Variants in SLC39A8 observed in about 807,000 individuals in gnomAD.
SLC39A8 encodes metal cation symporter ZIP8.
In SLC39A8, 15 loss-of-function variants were observed where a neutral mutation model predicts 40.4. That is an observed-to-expected ratio of 0.37 (90% confidence interval 0.25 to 0.57). The LOEUF is 0.57. Ranked by LOEUF, SLC39A8 falls within the 20% of genes least tolerant of loss-of-function variation. The pLI is 0.75. For synonymous variants in SLC39A8, 223 were observed against 221.6 expected, an observed-to-expected ratio of 1.01 and a Z score of -0.06; for missense variants, 472 against 558.8, an observed-to-expected ratio of 0.84 and a Z score of 1.57.
At chr4:102,333,084 C>G (rs538835495) in intron 2 of SLC39A8, among the ~76,000 whole-genome samples, 1 of 152,028 alleles carries the variant, frequency 6.6e-6, no homozygotes, top group Non-Finnish European at 1.5e-5. Flanking sequence ...CTGATGGGTG[C>G]AGTAAACCAC....
intron 6 of SLC39A8, among the ~76,000 whole-genome samples, chr4:102,278,500 C>G (rs554140546): frequency 6.6e-6 from 1 of 152,158 alleles, no homozygotes; most frequent in East Asian, 1.9e-4. Context: ...CAGATGCTGG[C>G]AAGGCTGTGG....
intron 3 of SLC39A8, among the ~76,000 whole-genome samples, chr4:102,315,231 G>A (rs1388690299): frequency 4.6e-5 from 7 of 151,938 alleles, no homozygotes; most frequent in Admixed American, 1.3e-4. Flanking sequence ...TAATAATTTG[G>A]TCCCTGAAAA....
intron 2 of SLC39A8, among the ~76,000 whole-genome samples, chr4:102,316,118 A>AG (rs890132190): frequency 2.0e-5 from 3 of 152,166 alleles, no homozygotes; most frequent in African/African-American, 7.2e-5. Context: ...TATTTAAAAT[A>AG]GGGGTGCACC....
At chr4:102,263,360 C>T (rs2149001651) in intron 8 of SLC39A8, among the ~76,000 whole-genome samples, 167 bp from the exon 9 acceptor site, 1 of 152,232 alleles carries the variant, frequency 6.6e-6, no homozygotes. Context: ...TTTCCCAGTG[C>T]ATATAATAGA....
chr4:102,319,566 C>T (rs542446054), intron 2 of SLC39A8, among the ~76,000 whole-genome samples: 1 of 152,226 alleles, frequency 6.6e-6, no homozygotes, highest in East Asian at 1.9e-4. Context: ...GTCTGTTTAA[C>T]CAAAATCCCC....
intron 3 of SLC39A8, among the ~76,000 whole-genome samples, chr4:102,315,168 A>G (rs1353647555): frequency 6.6e-6 from 1 of 152,160 alleles, no homozygotes; most frequent in Non-Finnish European, 1.5e-5. Flanking sequence ...AAATACCATT[A>G]TAGTCACTTA....
chr4:102,344,505 T>C lies in SLC39A8; in HGVS notation c.158A>G (p.Glu53Gly). 6.4e-7 allele frequency: 1 copy of C among 1,557,244 alleles called. No individual in the cohort carries two copies. Among genetic ancestry groups the C allele is most frequent in the Non-Finnish European group, 8.7e-7 (1 of 1,151,592 alleles). Reference sequence around the variant, plus strand: ...CACGCGGGAGGCGGCTCCCATCTGCTCCAGCAAGTGCTGGAGCTGCGCCGC... The same window carrying C: ...CACGCGGGAGGCGGCTCCCATCTGCCCCAGCAAGTGCTGGAGCTGCGCCGC... ...LSAAQLQHLL[E>G]QMGAASRVGV... The change falls in exon 2 of 9, where the codon GAG becomes GGG. Residue 53 changes from glutamate to glycine, a missense_variant. Coordinates refer to ENST00000356736, the MANE Select transcript of SLC39A8 (RefSeq NM_001135146.2).
At position 102,292,930 on chromosome 4, in the gene SLC39A8, T is replaced by C. The variant is rs550413079; in HGVS notation, c.840+11387A>G. ...GTTTACAGATGAAGAAAGTGAGTTT[T>C]AGAAGTTGAAGAAACCCGATTAGTT... On this transcript the variant is annotated intron_variant, in intron 6 of 8. Transcript: ENST00000356736. Among the ~76,000 whole-genome samples the C allele has an allele frequency of 6.9e-4, 105 of 152,180 alleles. 1 individual carries two copies. The highest frequency in any genetic ancestry group is 2.4e-3 in the African/African-American group (99 of 41,564).
chr4:102,327,899 T>C (rs2149049167), intron 2 of SLC39A8, among the ~76,000 whole-genome samples: 1 of 152,284 alleles, frequency 6.6e-6, no homozygotes, highest in East Asian at 1.9e-4. Flanking sequence ...CAGCCATAAG[T>C]TTTTCTTCTC....
rs1734056627 is a variant in SLC39A8 at position 102,304,454 on chromosome 4, TATC to T, written c.700_702del (p.Asp234del). 6.2e-7 allele frequency: 1 copy of T among 1,611,348 alleles called. No homozygotes were observed. The highest frequency in any genetic ancestry group is 8.5e-7 in the Non-Finnish European group (1 of 1,178,244). On this transcript the variant is annotated inframe_deletion, in exon 6 of 9. Coordinates refer to ENST00000356736, the MANE Select transcript of SLC39A8 (RefSeq NM_001135146.2). ...TGAGTTTTTTCTTGAGGACCAAAGT[TATC>T]ATTTCCAAAGTGGGTATGACCATTC...
chr4:102,251,410 C>A (rs1018277675), exon 12 of SLC39A8: 4 of 152,158 alleles, frequency 2.6e-5, no homozygotes, highest in African/African-American at 7.2e-5. Context: ...ACACAGTGCC[C>A]ACTTCAAAGC....
chr4:102,344,737 C>G lies in SLC39A8; in HGVS notation c.-75G>C. 3 of 1,366,094 alleles carry G rather than the reference C, an allele frequency of 2.2e-6. No homozygotes were observed. Among genetic ancestry groups the G allele is most frequent in the Non-Finnish European group, 1.9e-6 (2 of 1,067,534 alleles). The allele number at this position is 1,366,094 out of a possible 1,614,324, so 84.6% of individuals were successfully genotyped here. On this transcript the variant is annotated 5_prime_UTR_variant, in exon 2 of 9. Coordinates refer to ENST00000356736, the MANE Select transcript of SLC39A8 (RefSeq NM_001135146.2). ...GGACGCGCGCGGGCGCACTGGCGTC[C>G]TTGCCCAAGGGCGGGAGCGTCAGTG...
At chr4:102,296,872 T>C (rs1200996849) in intron 6 of SLC39A8, among the ~76,000 whole-genome samples, 1 of 152,070 alleles carries the variant, frequency 6.6e-6, no homozygotes, top group East Asian at 1.9e-4. Flanking sequence ...TTTATATTTC[T>C]AGCATTTAGC....
intron 6 of SLC39A8, among the ~76,000 whole-genome samples, chr4:102,273,600 G>C (rs763049071): frequency 4.6e-5 from 7 of 152,200 alleles, no homozygotes; most frequent in Non-Finnish European, 1.0e-4. Flanking sequence ...GCTCTGCTAA[G>C]GGACAGACTG....
At chr4:102,251,794 A>G (rs1002051880) in exon 12 of SLC39A8, 2 of 152,214 alleles carry the variant, frequency 1.3e-5, no homozygotes, top group Admixed American at 6.5e-5. Context: ...CCAATTTCTC[A>G]TCATTGATAG....
chr4:102,308,944 TAGAA>T (rs1734308466), intron 3 of SLC39A8, among the ~76,000 whole-genome samples: 1 of 152,112 alleles, frequency 6.6e-6, no homozygotes. Context: ...ATCACGCAGA[TAGAA>T]AGCTGGATTT....
In SLC39A8 at chr4:102,339,756, GT is replaced by G. The variant is rs1384507714; in HGVS notation, c.219+4687del. On this transcript the variant is annotated intron_variant, in intron 2 of 8. Coordinates refer to ENST00000356736, the MANE Select transcript of SLC39A8 (RefSeq NM_001135146.2). Reference sequence around the variant, plus strand: ...TTCTGAGTTTCTCCAAATTCAAGTGGTCCTTACATCTCATGAAATCCACTGC... The same window carrying G: ...TTCTGAGTTTCTCCAAATTCAAGTGGCCTTACATCTCATGAAATCCACTGC... 2.0e-5 allele frequency among the ~76,000 whole-genome samples: 3 copies of G among 151,970 alleles called. No homozygotes were observed. The East Asian group carries it at 5.8e-4, about 29-fold the overall frequency.
chr4:102,303,039 G>A (rs1201359860), intron 6 of SLC39A8, among the ~76,000 whole-genome samples: 3 of 151,904 alleles, frequency 2.0e-5, no homozygotes, highest in African/African-American at 2.4e-5. Context: ...TTTCCAGAAG[G>A]AAACTCAGGT....
chr4:102,344,633 G>A lies in SLC39A8; in HGVS notation c.30C>T (p.Leu10=). The change falls in exon 2 of 9, where the codon CTC becomes CTT. Residue 10 remains leucine, a synonymous_variant. Coordinates refer to ENST00000356736, the MANE Select transcript of SLC39A8 (RefSeq NM_001135146.2). The part of the protein sequence containing the change: MAPGRAVAG[L]LLLAAAGLGG... ...CGAGGCCGGCGGCCGCCAGCAACAG[G>A]AGCCCGGCCACCGCGCGACCCGGGG... 6.5e-7 allele frequency: 1 copy of A among 1,538,394 alleles called. No homozygotes were observed. The highest frequency in any genetic ancestry group is 8.7e-7 in the Non-Finnish European group (1 of 1,142,932).
Sources: gnomAD v4.1 joint callset for allele counts (sites outside exome capture counted in the v4.1 genomes callset) on GRCh38, gnomAD v4.1.1 for gene constraint, MANE v1.5 for transcripts, NCBI Gene and HGNC (gene_info 2026-07-23, HGNC 2026-07-21) for gene names.